The following PDE5A variants were observed in gnomAD, a reference collection of about 807,000 sequenced individuals.
PDE5A encodes the protein cGMP-specific 3',5'-cyclic phosphodiesterase.
Under a neutral mutation model 110.2 loss-of-function variants are expected in PDE5A, and 67 were observed. The observed-to-expected ratio is 0.61, with a 90% CI of 0.50 to 0.75. PDE5A has a LOEUF of 0.75. Among genes scored for constraint, PDE5A ranks in the 30% least tolerant of loss-of-function variants. The pLI, the probability that PDE5A is intolerant of heterozygous loss-of-function variation, is 0.00. For missense variants in PDE5A, 862 were observed against 1,045.1 expected (o/e 0.82, Z 2.42); for synonymous variants, 328 against 351.2 (o/e 0.93, Z 0.74).
At chr4:119,587,990 G>A (rs990380311) in intron 3 of PDE5A, among the ~76,000 whole-genome samples, 1 of 152,082 alleles carries the variant, frequency 6.6e-6, no homozygotes, top group Admixed American at 6.5e-5. Flanking sequence ...TTCCTCTCTT[G>A]AGGCTGTGAG....
At chr4:119,546,103 A>G (rs1727121937) in intron 9 of PDE5A, among the ~76,000 whole-genome samples, 1 of 152,146 alleles carries the variant, frequency 6.6e-6, no homozygotes, top group South Asian at 2.1e-4. Context: ...ATTTAATCTT[A>G]TAATCCCACT....
chr4:119,616,037 C>A (rs887617473), intron 1 of PDE5A, among the ~76,000 whole-genome samples: 1 of 152,172 alleles, frequency 6.6e-6, no homozygotes, highest in Non-Finnish European at 1.5e-5. Flanking sequence ...TTATTTCCTA[C>A]ATATTTTATT....
At chr4:119,554,491 G>A (rs1727473320) in intron 7 of PDE5A, among the ~76,000 whole-genome samples, 2 of 152,110 alleles carry the variant, frequency 1.3e-5, no homozygotes, top group South Asian at 2.1e-4. Context: ...AAACAGAATG[G>A]AACATGTTTT....
At chr4:119,502,734 G>A (rs1370663944) in intron 18 of PDE5A, 79 bp from the exon 19 acceptor site, 1 of 868,780 alleles carries the variant, frequency 1.2e-6, no homozygotes, top group Non-Finnish European at 1.9e-6. Context: ...TGAAGGCCCT[G>A]TTAGGAGCTG....
At chr4:119,569,700 G>C (rs1266329648) in intron 3 of PDE5A, 1 of 152,514 alleles carries the variant, frequency 6.6e-6, no homozygotes, top group Non-Finnish European at 1.5e-5. Context: ...AGTAATCTAG[G>C]GGTGTGCTCA....
At chr4:119,607,630 G>A (rs1729587856) in intron 1 of PDE5A, among the ~76,000 whole-genome samples, 1 of 151,996 alleles carries the variant, frequency 6.6e-6, no homozygotes, top group African/African-American at 2.4e-5. Context: ...CTAACTACTG[G>A]GGAGACTGAG....
intron 2 of PDE5A, among the ~76,000 whole-genome samples, chr4:119,604,286 A>G (rs1445260880): frequency 6.6e-6 from 1 of 152,240 alleles, no homozygotes; most frequent in Non-Finnish European, 1.5e-5. Flanking sequence ...AACTTTGAAG[A>G]TGGTAGGCAG....
In PDE5A at chr4:119,607,095, C is replaced by T; in HGVS notation, c.355G>A (p.Glu119Lys). The T allele has an allele frequency of 6.2e-7, 1 of 1,614,178 alleles. No homozygotes were observed. Among genetic ancestry groups the T allele is most frequent in the Non-Finnish European group, 8.5e-7 (1 of 1,180,030 alleles). Residue 119 changes from glutamate to lysine, a missense_variant, in exon 2 of 21, where the codon GAG becomes AAG. Physicochemically the swap from Glu to Lys is moderately conservative, Grantham distance 56 (BLOSUM62 1). Coordinates refer to ENST00000354960, the MANE Select transcript of PDE5A (RefSeq NM_001083.4). ...TCAGAGAGGAAGCTCACAGTTCCCT[C>T]AGAATCCTTGACAACAATGGGTCTA... ...PLRPIVVKDS[E>K]GTVSFLSDSE...
intron 7 of PDE5A, among the ~76,000 whole-genome samples, chr4:119,557,530 G>A (rs1437150085): frequency 6.6e-6 from 1 of 151,982 alleles, no homozygotes; most frequent in Non-Finnish European, 1.5e-5. Context: ...ATAAATTTCT[G>A]TGCTTTAGAA....
intron 2 of PDE5A, among the ~76,000 whole-genome samples, chr4:119,600,184 G>A (rs1196321363): frequency 2.0e-5 from 3 of 148,898 alleles, no homozygotes; most frequent in Non-Finnish European, 4.4e-5. Context: ...GAGCACATGA[G>A]TATATATATA....
chr4:119,618,596 TG>T (rs1730024481), intron 1 of PDE5A, among the ~76,000 whole-genome samples: 1 of 152,132 alleles, frequency 6.6e-6, no homozygotes, highest in African/African-American at 2.4e-5. Context: ...GAATATAATT[TG>T]TTTTTTTCAG....
At chr4:119,504,190 G>T (rs1470530289) in intron 18 of PDE5A, among the ~76,000 whole-genome samples, 1 of 152,050 alleles carries the variant, frequency 6.6e-6, no homozygotes, top group Non-Finnish European at 1.5e-5. Context: ...TTATGAGTGA[G>T]AATGTGCAGT....
chr4:119,605,395 C>G (rs992709611), intron 2 of PDE5A, among the ~76,000 whole-genome samples: 1 of 152,116 alleles, frequency 6.6e-6, no homozygotes, highest in Non-Finnish European at 1.5e-5. Flanking sequence ...GCCTGTAATC[C>G]CAGCACTTTG....
At chr4:119,606,563 G>A (rs931092178) in intron 2 of PDE5A, 146 bp downstream of exon 2, 15 of 616,514 alleles carry the variant, frequency 2.4e-5, no homozygotes, top group Non-Finnish European at 4.0e-5. Flanking sequence ...ATACATTCCA[G>A]TTTTAAATAA....
rs1331576430 is a variant in PDE5A, at chr4:119,627,434, C to G, written c.152+1086G>C. The G allele has an allele frequency of 3.2e-6, 1 of 310,080 alleles. No homozygotes were observed. The highest frequency in any genetic ancestry group is 4.7e-6 in the Non-Finnish European group (1 of 212,378). 19.2% of individuals were successfully genotyped at this position (310,080 alleles called of 1,614,324 possible). A position where few individuals can be genotyped will look rare whatever the true frequency, so the allele number is the denominator to read the frequency against. On this transcript the variant is annotated intron_variant, in intron 1 of 20. Transcript: ENST00000354960. The surrounding 1 kb of genome is among the most constrained non-coding windows in gnomAD (Gnocchi z 4.6). Reference sequence around the variant, plus strand: ...GGGCGTCGAACCCGGGCGGGCTCCTCGACCATCACTGCCGGGCGTGTGTCA... The same window carrying G: ...GGGCGTCGAACCCGGGCGGGCTCCTGGACCATCACTGCCGGGCGTGTGTCA...
chr4:119,574,398 G>A (rs996132760), intron 3 of PDE5A, among the ~76,000 whole-genome samples: 13 of 151,970 alleles, frequency 8.6e-5, no homozygotes, highest in African/African-American at 3.1e-4. Flanking sequence ...GGTTAGGCTA[G>A]TCTCAAACTC....
At chr4:119,622,878 G>GAAAGAAAAAAAA (rs1560647657) in intron 1 of PDE5A, among the ~76,000 whole-genome samples, 3 of 134,974 alleles carry the variant, frequency 2.2e-5, no homozygotes, top group Admixed American at 1.6e-4. Context: ...AAAAAAAAAA[G>GAAAGAAAAAAAA]AAAGAAAGAA....
rs148467877 is a variant in PDE5A at position 119,606,745 on chromosome 4, C to T, written c.705G>A (p.Ala235=). 8.1e-6 allele frequency: 13 copies of T among 1,614,146 alleles called. No individual in the cohort carries two copies. In the African/African-American group the frequency reaches 1.1e-4, roughly 13 times the overall value. ...CTTTGATGTTCAAGGGCTCACCAAGCGCTGCCACATGTCCCACAATGCCTT... is the reference window on the plus strand; with the variant it reads ...CTTTGATGTTCAAGGGCTCACCAAGTGCTGCCACATGTCCCACAATGCCTT... The part of the protein sequence containing the change: ...WNKGIVGHVA[A]LGEPLNIKDA... The change falls in exon 2 of 21, where the codon GCG becomes GCA. Residue 235 remains alanine, a synonymous_variant. Coordinates refer to ENST00000354960, the MANE Select transcript of PDE5A (RefSeq NM_001083.4).
chr4:119,569,424 C>T (rs773019778), intron 3 of PDE5A, among the ~76,000 whole-genome samples: 1 of 151,578 alleles, frequency 6.6e-6, no homozygotes, highest in Non-Finnish European at 1.5e-5. Context: ...CAGAAATACC[C>T]TCATTTGATC....
Sources: gnomAD v4.1 joint callset for allele counts (sites outside exome capture counted in the v4.1 genomes callset) on GRCh38, gnomAD v4.1.1 for gene constraint, Gnocchi (gnomAD v3.1) non-coding constraint, MANE v1.5 for transcripts, NCBI Gene and HGNC (gene_info 2026-07-23, HGNC 2026-07-21) for gene names.